The following CEP78 variants were observed in gnomAD, a reference collection of about 807,000 sequenced individuals.
CEP78 encodes the protein centrosomal protein of 78 kDa.
Under a neutral mutation model 81.2 loss-of-function variants are expected in CEP78, and 76 were observed. That is an observed-to-expected ratio of 0.94 (90% CI 0.78 to 1.13). The LOEUF (loss-of-function observed/expected upper bound fraction) is 1.13, where lower values mean the gene tolerates loss of function less well. Ranked by LOEUF, CEP78 falls within the 50% of genes most tolerant of loss-of-function variation. CEP78 has a pLI of 0.00. For synonymous variants in CEP78, 293 were observed against 301.4 expected (o/e 0.97, Z 0.29); for missense variants, 918 against 846.8 (o/e 1.08, Z -1.04).
chr9:78,240,876 T>C (rs1826195301), intron 3 of CEP78, among the ~76,000 whole-genome samples: 1 of 151,586 alleles, frequency 6.6e-6, no homozygotes, highest in African/African-American at 2.4e-5. Context: ...GGCAGGAGAA[T>C]GGTGTGAACC....
chr9:78,273,113 C>G lies in CEP78; in HGVS notation c.*2262C>G, dbSNP rs1283805392. ...AAGACGGGAAAGAAAAAGAAACAAGCTACATAGAAATAAAAAATCCACAAT... is the reference window on the plus strand; with the variant it reads ...AAGACGGGAAAGAAAAAGAAACAAGGTACATAGAAATAAAAAATCCACAAT... On this transcript the variant is annotated 3_prime_UTR_variant, in exon 17 of 17. Coordinates refer to ENST00000643273, the MANE Select transcript of CEP78 (RefSeq NM_001330691.3). 2 of 152,122 alleles carry G rather than the reference C, an allele frequency of 1.3e-5. No homozygotes were observed. The highest frequency in any genetic ancestry group is 1.3e-4 in the Admixed American group (2 of 15,276). 9.4% of individuals were successfully genotyped at this position (152,122 alleles called of 1,614,324 possible). A position where few individuals can be genotyped will look rare whatever the true frequency, so the allele number is the denominator to read the frequency against.
At chr9:78,261,978 C>A (rs1827296535) in intron 11 of CEP78, among the ~76,000 whole-genome samples, 1 of 152,060 alleles carries the variant, frequency 6.6e-6, no homozygotes, top group Non-Finnish European at 1.5e-5. Context: ...GAAATAAAAA[C>A]CACCTCTGCA....
chr9:78,250,319 G>A (rs1826695626), intron 8 of CEP78: 1 of 398,074 alleles, frequency 2.5e-6, no homozygotes, highest in Non-Finnish European at 4.4e-6. Context: ...AGTGAGTATA[G>A]GGGTTATATA....
intron 12 of CEP78, among the ~76,000 whole-genome samples, chr9:78,263,415 A>G (rs1827367009): frequency 6.6e-6 from 1 of 152,176 alleles, no homozygotes; most frequent in Admixed American, 6.5e-5. Flanking sequence ...AATCTATACC[A>G]TGAGGACTAA....
chr9:78,276,610 AAAGT>A lies in CEP78; in HGVS notation c.*5760_*5763del, dbSNP rs1054579876. 1.1e-4 allele frequency: 16 copies of A among 150,610 alleles called. No homozygotes were observed. Among genetic ancestry groups the A allele is most frequent in the African/African-American group, 3.9e-4 (16 of 40,994 alleles). The allele number at this position is 150,610 out of a possible 1,614,324, so 9.3% of individuals were successfully genotyped here. A position where few individuals can be genotyped will look rare whatever the true frequency, so the allele number is the denominator to read the frequency against. On this transcript the variant is annotated 3_prime_UTR_variant, in exon 17 of 17. Coordinates refer to ENST00000643273, the MANE Select transcript of CEP78 (RefSeq NM_001330691.3). ...GCACAACACCAACACACCGGTATGA[AAAGT>A]GTGTACACCAGCAATAACCAATTAG...
chr9:78,262,245 G>C (rs1353872021), intron 11 of CEP78, among the ~76,000 whole-genome samples: 1 of 148,300 alleles, frequency 6.7e-6, no homozygotes. Context: ...GAGGCTTTTA[G>C]TTGTAAACAG....
rs1826940185 is a variant in CEP78, at chr9:78,254,872, C to T, written c.1288C>T (p.Pro430Ser). ...TCCTGTGACTGTGACAGTAGAGAGT[C>T]CTTCATCCTCTGAAGTTGAAGAGGT... ...GFPVTVTVES[P>S]SSSEVEEVDD... The change falls in exon 11 of 17, where the codon CCT becomes TCT. Residue 430 changes from proline (P) to serine (S), a missense_variant. Coordinates refer to ENST00000643273, the MANE Select transcript of CEP78 (RefSeq NM_001330691.3). 1 of 1,610,610 alleles carries T rather than the reference C, an allele frequency of 6.2e-7. No individual in the cohort carries two copies. Among genetic ancestry groups the T allele is most frequent in the Non-Finnish European group, 8.5e-7 (1 of 1,177,450 alleles).
Position 78,236,413 on chromosome 9 carries a change from C to T in CEP78, c.63C>T (p.Tyr21=), listed in dbSNP as rs1825934663. 2 of 1,599,200 alleles carry T rather than the reference C, an allele frequency of 1.3e-6. No homozygotes were observed. The highest frequency in any genetic ancestry group is 1.3e-5 in the African/African-American group (1 of 74,670). ...SAADFFSHYE[Y]LCALQNSVPL... is the part of the protein sequence containing the mutation. The stretch of plus-strand genomic sequence containing the variant: ...CGGACTTCTTCTCCCACTACGAGTA[C>T]CTGTGCGCGCTGCAGAACTCGGTGC... Residue 21 remains tyrosine (Y), a synonymous_variant, in exon 1 of 17, where the codon TAC becomes TAT. Coordinates refer to ENST00000643273, the MANE Select transcript of CEP78 (RefSeq NM_001330691.3).
chr9:78,246,601 A>G lies in CEP78; in HGVS notation c.779-68A>G, dbSNP rs558543920. 8.6e-5 allele frequency: 92 copies of G among 1,069,602 alleles called. No individual in the cohort carries two copies. The African/African-American group carries it at 1.2e-3, about 14-fold the overall frequency. 66.3% of individuals were successfully genotyped at this position (1,069,602 alleles called of 1,614,324 possible). A position where few individuals can be genotyped will look rare whatever the true frequency, so the allele number is the denominator to read the frequency against. ...GGTGACAGAGTGAGACTCCGTCTCAAAAAAACAAACAAACAAACAAAAAAT... is the reference window on the plus strand; with the variant it reads ...GGTGACAGAGTGAGACTCCGTCTCAGAAAAACAAACAAACAAACAAAAAAT... On this transcript the variant is annotated intron_variant, in intron 5 of 16. Coordinates refer to ENST00000643273, the MANE Select transcript of CEP78 (RefSeq NM_001330691.3).
Position 78,275,336 on chromosome 9 carries a change from GGCCCAT to G in CEP78, c.*4489_*4494del, listed in dbSNP as rs1273087539. On this transcript the variant is annotated 3_prime_UTR_variant, in exon 17 of 17. Coordinates refer to ENST00000643273, the MANE Select transcript of CEP78 (RefSeq NM_001330691.3). ...TTTTTAAAAAGAGGCCAGGTGCGGT[GGCCCAT>G]GCCTGTAATACCAGTACTTTGGGAG... is the stretch of plus-strand genomic sequence containing the variant. 17 of 152,310 alleles carry G rather than the reference GGCCCAT, an allele frequency of 1.1e-4. No homozygotes were observed. Among genetic ancestry groups the G allele is most frequent in the Non-Finnish European group, 2.5e-4 (17 of 68,030 alleles). The allele number at this position is 152,310 out of a possible 1,614,324, so 9.4% of individuals were successfully genotyped here. A position where few individuals can be genotyped will look rare whatever the true frequency, so the allele number is the denominator to read the frequency against.
intron 11 of CEP78, among the ~76,000 whole-genome samples, chr9:78,259,313 A>G (rs1827173344): frequency 6.6e-6 from 1 of 152,170 alleles, no homozygotes; most frequent in African/African-American, 2.4e-5. Flanking sequence ...CATTAGGAAA[A>G]TGAGGACGGT....
intron 5 of CEP78, among the ~76,000 whole-genome samples, chr9:78,245,647 C>T (rs1232049737): frequency 2.0e-5 from 3 of 152,086 alleles, no homozygotes; most frequent in African/African-American, 7.2e-5. Context: ...TATGCCTGTA[C>T]TTTTGTGATA....
intron 12 of CEP78, 52 bp from the exon 13 acceptor site, chr9:78,264,098 T>C (rs921297737): frequency 2.8e-5 from 35 of 1,253,980 alleles, no homozygotes; most frequent in Non-Finnish European, 3.2e-5. Context: ...AAAAACTATT[T>C]TGGTGATAAT....
chr9:78,238,168 G>A (rs574739523), intron 1 of CEP78, among the ~76,000 whole-genome samples: 2 of 151,834 alleles, frequency 1.3e-5, no homozygotes, highest in South Asian at 4.2e-4. Flanking sequence ...ATATCTAAGA[G>A]AATGGATGGG....
At chr9:78,236,878 A>G (rs532786793) in intron 1 of CEP78, among the ~76,000 whole-genome samples, 1 of 150,448 alleles carries the variant, frequency 6.6e-6, no homozygotes, top group Admixed American at 6.6e-5. Flanking sequence ...ATCATTAAAC[A>G]TTTGACAGAT....
chr9:78,270,258 T>C (rs1827661790), intron 16 of CEP78, among the ~76,000 whole-genome samples: 2 of 152,212 alleles, frequency 1.3e-5, no homozygotes, highest in South Asian at 4.1e-4. Flanking sequence ...AATTATAGTT[T>C]TAAAATTCTT....
chr9:78,254,186 G>A (rs1005161619), intron 10 of CEP78, among the ~76,000 whole-genome samples: 4 of 151,992 alleles, frequency 2.6e-5, no homozygotes, highest in Non-Finnish European at 4.4e-5. Flanking sequence ...GGTTTTTGAT[G>A]TCTCAGTTTT....
At chr9:78,244,134 CTTTTTTTTTT>C (rs971743733) in intron 5 of CEP78, among the ~76,000 whole-genome samples, 1,415 of 110,762 alleles carry the variant, frequency 0.013, 43 homozygotes, top group African/African-American at 0.046. Flanking sequence ...ATTGAAGTTA[CTTTTTTTTTT>C]TTTTTTTTTT....
At chr9:78,257,121 A>G (rs1159650127) in intron 11 of CEP78, among the ~76,000 whole-genome samples, 1 of 152,086 alleles carries the variant, frequency 6.6e-6, no homozygotes, top group Non-Finnish European at 1.5e-5. Flanking sequence ...AAAAAACTAT[A>G]AGAAAGTTTA....
Sources: gnomAD v4.1 joint callset for allele counts (sites outside exome capture counted in the v4.1 genomes callset) on GRCh38, gnomAD v4.1.1 for gene constraint, MANE v1.5 for transcripts, NCBI Gene and HGNC (gene_info 2026-07-23, HGNC 2026-07-21) for gene names.